GPC5: variants seen among roughly 807,000 people sequenced by gnomAD.
GPC5 encodes glypican-5.
A neutral mutation model predicts 53.9 loss-of-function variants in GPC5; 47 were observed. That is an observed-to-expected ratio of 0.87 (90% CI 0.69 to 1.11). The LOEUF (loss-of-function observed/expected upper bound fraction) is 1.11, where lower values mean the gene tolerates loss of function less well. Among genes scored for constraint, GPC5 ranks in the 50% most tolerant of loss-of-function variants. The probability of loss-of-function intolerance (pLI) is 0.00; values close to 1 mark genes in which losing one functional copy is unlikely to be tolerated. For synonymous variants in GPC5, 286 were observed against 263.3 expected (o/e 1.09, Z -0.84); for missense variants, 748 against 713.1 (o/e 1.05, Z -0.56).
intron 7 of GPC5, among the ~76,000 whole-genome samples, chr13:92,834,230 CT>C: frequency 6.6e-6 from 1 of 152,222 alleles, no homozygotes; most frequent in Admixed American, 6.5e-5. Context: ...GAAATAAAGC[CT>C]TGTCATTTAT....
chr13:92,173,037 A>T (rs1022347895), intron 7 of GPC5, among the ~76,000 whole-genome samples: 2 of 129,324 alleles, frequency 1.5e-5, no homozygotes, highest in Non-Finnish European at 3.5e-5. Flanking sequence ...CTGTATCACC[A>T]CCAAAGCTTT....
intron 6 of GPC5, among the ~76,000 whole-genome samples, chr13:92,017,074 A>T (rs1298122378): frequency 6.6e-6 from 1 of 152,076 alleles, no homozygotes; most frequent in Non-Finnish European, 1.5e-5. Context: ...CCCATGAGGT[A>T]TCCTTTTACA....
At chr13:91,814,796 C>T (rs2038375049) in intron 5 of GPC5, among the ~76,000 whole-genome samples, 1 of 152,178 alleles carries the variant, frequency 6.6e-6, no homozygotes, top group African/African-American at 2.4e-5. Flanking sequence ...CCACCTCAGC[C>T]TCCCAAAGTA....
chr13:92,476,979 G>A (rs1879169696), intron 7 of GPC5, among the ~76,000 whole-genome samples: 1 of 149,360 alleles, frequency 6.7e-6, no homozygotes, highest in African/African-American at 2.5e-5. Flanking sequence ...CACCAGCATG[G>A]CACGTGTATA....
At chr13:91,521,615 A>T (rs1331407174) in intron 2 of GPC5, among the ~76,000 whole-genome samples, 1 of 152,140 alleles carries the variant, frequency 6.6e-6, no homozygotes, top group African/African-American at 2.4e-5. Context: ...AAAGTGTTTT[A>T]TTTTTTTCTA....
At chr13:91,421,900 T>G (rs1878661749) in intron 1 of GPC5, among the ~76,000 whole-genome samples, 1 of 152,338 alleles carries the variant, frequency 6.6e-6, no homozygotes, top group African/African-American at 2.4e-5. Context: ...GCATGCTATG[T>G]AAAGCAGGTC....
At chr13:92,011,409 A>C (rs1057057718) in intron 6 of GPC5, among the ~76,000 whole-genome samples, 29 of 152,210 alleles carry the variant, frequency 1.9e-4, no homozygotes, top group Admixed American at 1.3e-3. Flanking sequence ...TCACAGGACT[A>C]CCCCTTCCTG....
chr13:92,338,701 C>T (rs1566545385), intron 7 of GPC5, among the ~76,000 whole-genome samples: 1 of 151,954 alleles, frequency 6.6e-6, no homozygotes, highest in Non-Finnish European at 1.5e-5. Flanking sequence ...ATTGTGGTGA[C>T]AGTAAAAAAC....
chr13:91,543,481 T>C (rs765031380), intron 2 of GPC5, among the ~76,000 whole-genome samples: 7 of 152,186 alleles, frequency 4.6e-5, no homozygotes, highest in Admixed American at 2.0e-4. Flanking sequence ...TCCCTTTTAT[T>C]ACCACTTGCA....
At chr13:92,220,243 G>A (rs919096504) in intron 7 of GPC5, among the ~76,000 whole-genome samples, 2 of 151,842 alleles carry the variant, frequency 1.3e-5, no homozygotes, top group Admixed American at 1.3e-4. Context: ...CTGGGTACTG[G>A]ATATATAAGA....
At chr13:92,144,365 TA>T (rs897353197) in intron 6 of GPC5, among the ~76,000 whole-genome samples, 1 of 152,194 alleles carries the variant, frequency 6.6e-6, no homozygotes, top group Admixed American at 6.5e-5. Flanking sequence ...TGTATATGTC[TA>T]AAATTCTGGA....
At chr13:92,750,997 C>A (rs547728209) in intron 7 of GPC5, among the ~76,000 whole-genome samples, 3 of 152,034 alleles carry the variant, frequency 2.0e-5, no homozygotes, top group African/African-American at 7.2e-5. Flanking sequence ...TATTTTCATC[C>A]ATTGTTTAAA....
chr13:92,590,740 G>A (rs1385274890), intron 7 of GPC5, among the ~76,000 whole-genome samples: 9 of 152,080 alleles, frequency 5.9e-5, no homozygotes, highest in South Asian at 2.1e-4. Flanking sequence ...CACTTGAGTC[G>A]TCTACACTGC....
chr13:91,437,283 C>T lies in GPC5; in HGVS notation c.164-11478C>T, dbSNP rs549857364. Among the ~76,000 whole-genome samples the T allele has an allele frequency of 1.2e-4, 19 of 152,264 alleles. No homozygotes were observed. In the South Asian group the frequency reaches 1.5e-3, roughly 12 times the overall value. On this transcript the variant is annotated intron_variant, in intron 1 of 7. Transcript: ENST00000377067. ...GGTTGATGCAGTTTCTTCCTAGCCT[C>T]GATGGTCTTTACAATTTGGCATGTT...
intron 5 of GPC5, among the ~76,000 whole-genome samples, chr13:91,882,938 A>G (rs2039283201): frequency 6.6e-6 from 1 of 152,164 alleles, no homozygotes; most frequent in African/African-American, 2.4e-5. Context: ...TCAGTGTTAC[A>G]GTTACTATTG....
intron 2 of GPC5, among the ~76,000 whole-genome samples, chr13:91,592,342 G>A (rs1479979762): frequency 2.0e-5 from 3 of 152,140 alleles, no homozygotes; most frequent in Non-Finnish European, 4.4e-5. Context: ...TTGTGAGGGA[G>A]GAAGAGAGGT....
At chr13:92,652,989 T>C (rs1886005921) in intron 7 of GPC5, among the ~76,000 whole-genome samples, 2 of 152,140 alleles carry the variant, frequency 1.3e-5, no homozygotes, top group African/African-American at 2.4e-5. Context: ...TGTGAGTTTG[T>C]GTAGTGTTTG....
chr13:91,847,111 C>T (rs76745038), intron 5 of GPC5, among the ~76,000 whole-genome samples: 10 of 147,614 alleles, frequency 6.8e-5, no homozygotes, highest in African/African-American at 1.7e-4. Context: ...CCCAGCTACT[C>T]GGGAGGCTGA....
At chr13:92,740,880 A>G (rs1413231764) in intron 7 of GPC5, among the ~76,000 whole-genome samples, 1 of 92,148 alleles carries the variant, frequency 1.1e-5, no homozygotes, top group Admixed American at 1.4e-4. Flanking sequence ...TTATGTATGT[A>G]TGTATATTTA....
Sources: allele counts gnomAD v4.1 joint callset (sites outside exome capture counted in the v4.1 genomes callset), GRCh38; gene constraint gnomAD v4.1.1; transcripts MANE v1.5; gene names NCBI Gene and HGNC (gene_info 2026-07-23, HGNC 2026-07-21).